The following CR1 variants were observed in gnomAD, a reference collection of about 807,000 sequenced individuals.
CR1 encodes the protein complement C3b/C4b receptor 1 (Knops blood group).
A neutral mutation model predicts 187.3 loss-of-function variants in CR1; 116 were observed. The ratio of observed to expected loss-of-function variants is 0.62; its 90% CI spans 0.53 to 0.72. The LOEUF (loss-of-function observed/expected upper bound fraction) is 0.72, where lower values mean the gene tolerates loss of function less well. CR1 is among the 30% of genes least tolerant of loss of function. The pLI is 0.00. For synonymous variants in CR1, 576 were observed against 747.1 expected (o/e 0.77, Z 3.73); for missense variants, 1,731 against 2,110.7 (o/e 0.82, Z 3.52).
At chr1:207,629,812 C>T (rs1302787768) in intron 45 of CR1, among the ~76,000 whole-genome samples, 2 of 152,190 alleles carry the variant, frequency 1.3e-5, no homozygotes, top group African/African-American at 4.8e-5. Flanking sequence ...TTTGCAACCG[C>T]TAAGGCCTGT....
intron 4 of CR1, among the ~76,000 whole-genome samples, chr1:207,517,677 T>C (rs1659847476): frequency 6.6e-6 from 1 of 152,146 alleles, no homozygotes; most frequent in African/African-American, 2.4e-5. Context: ...ATATCTTTAA[T>C]AGCTGTAAAA....
chr1:207,581,899 C>T lies in CR1; in HGVS notation c.5217-19C>T. On this transcript the variant is annotated intron_variant, in intron 31 of 46. Transcript: ENST00000367049. Reference sequence around the variant, plus strand: ...GAGAAATGGTGCATTCATCCAGCCACTACTGCTTTGTTCTTTAGGTTTCGC... The same window carrying T: ...GAGAAATGGTGCATTCATCCAGCCATTACTGCTTTGTTCTTTAGGTTTCGC... The T allele has an allele frequency of 3.8e-6, 6 of 1,586,482 alleles. No individual in the cohort carries two copies. Among genetic ancestry groups the T allele is most frequent in the South Asian group, 2.2e-5 (2 of 90,388 alleles).
At chr1:207,502,640 T>C (rs1048170640) in intron 1 of CR1, among the ~76,000 whole-genome samples, 1 of 152,220 alleles carries the variant, frequency 6.6e-6, no homozygotes, top group African/African-American at 2.4e-5. Context: ...GACAAGGGCT[T>C]CCTTGCTTAA....
chr1:207,619,830 G>T, intron 42 of CR1, 50 bp from the exon 43 acceptor site: 1 of 1,496,166 alleles, frequency 6.7e-7, no homozygotes, highest in South Asian at 1.3e-5. Context: ...CAGTTAAAAC[G>T]GACAATCAAC....
At chr1:207,613,139 C>A (rs1661986598) in intron 39 of CR1, among the ~76,000 whole-genome samples, 1 of 152,084 alleles carries the variant, frequency 6.6e-6, no homozygotes, top group Admixed American at 6.5e-5. Context: ...CCAAGAAGAA[C>A]AAGGTTATAC....
intron 45 of CR1, among the ~76,000 whole-genome samples, chr1:207,624,211 C>T (rs1435368125): frequency 6.6e-6 from 1 of 151,996 alleles, no homozygotes; most frequent in Non-Finnish European, 1.5e-5. Flanking sequence ...CAGGTGTGAG[C>T]CACTGGGCCC....
intron 42 of CR1, among the ~76,000 whole-genome samples, chr1:207,619,036 CAA>C (rs71727231): frequency 5.2e-5 from 2 of 38,484 alleles, no homozygotes; most frequent in Non-Finnish European, 1.5e-4. Context: ...GACTCCGTCT[CAA>C]AAAAAAAAAA....
At position 207,611,746 on chromosome 1, in the gene CR1, G is replaced by C. The variant is rs373376403; in HGVS notation, c.6365G>C (p.Gly2122Ala). The change falls in exon 38 of 47, where the codon GGG (glycine) becomes GCG (alanine). Residue 2122 changes from glycine to alanine, a missense_variant. Around this residue, in one of 5 missense-constraint regions of CR1, gnomAD observed 1,312 missense variants for 1,379.6 expected, o/e 0.95. Transcript: ENST00000367049. ...TLSHQDNFSP[G>A]QEVFYSCEPS... ...AGCCATCAGGACAACTTTTCACCTGGGCAGGAAGTGTTCTACAGCTGTGAG... is the reference window on the plus strand; with the variant it reads ...AGCCATCAGGACAACTTTTCACCTGCGCAGGAAGTGTTCTACAGCTGTGAG... The C allele has an allele frequency of 6.2e-7, 1 of 1,613,798 alleles. No individual in the cohort carries two copies. The highest frequency in any genetic ancestry group is 1.3e-5 in the African/African-American group (1 of 74,882).
At chr1:207,566,010 C>G in intron 24 of CR1, 87 bp downstream of exon 24, 2 of 1,517,434 alleles carry the variant, frequency 1.3e-6, no homozygotes, top group Non-Finnish European at 1.8e-6. Context: ...TGTGATTCTT[C>G]AATATTCTAG....
At chr1:207,577,533 G>A (rs1198998220) in intron 28 of CR1, among the ~76,000 whole-genome samples, 1 of 152,154 alleles carries the variant, frequency 6.6e-6, no homozygotes, top group East Asian at 1.9e-4. Context: ...ACTTTGAAAG[G>A]CCGAGGCAGG....
At chr1:207,507,096 C>T in intron 3 of CR1, 2 of 325,208 alleles carry the variant, frequency 6.1e-6, no homozygotes, top group South Asian at 8.2e-5. Flanking sequence ...AGTCAAAGCA[C>T]ACAAACAGCC....
chr1:207,628,068 A>T (rs1662534152), intron 45 of CR1, among the ~76,000 whole-genome samples: 1 of 152,178 alleles, frequency 6.6e-6, no homozygotes, highest in African/African-American at 2.4e-5. Flanking sequence ...AGATACAAAC[A>T]TTCAGTCCAT....
rs1174547447 is a variant in CR1, at chr1:207,617,505, ATATGTG to A, written c.6890-564_6890-559del. ...AAAGTATATATATATATATATATATATATGTGTGTGTGTGTGTGTGTGTGTGTGTGT... is the reference window on the plus strand; with the variant it reads ...AAAGTATATATATATATATATATATATGTGTGTGTGTGTGTGTGTGTGTGT... On this transcript the variant is annotated intron_variant, in intron 41 of 46. Transcript: ENST00000367049. Among the ~76,000 whole-genome samples the A allele has an allele frequency of 2.4e-4, 10 of 40,880 alleles. 1 individual carries two copies. Among genetic ancestry groups the A allele is most frequent in the East Asian group, 1.9e-3 (4 of 2,158 alleles). 26.8% of individuals were successfully genotyped at this position (40,880 alleles called of 152,430 possible). A position where few individuals can be genotyped will look rare whatever the true frequency, so the allele number is the denominator to read the frequency against.
At chr1:207,588,921 C>G in intron 35 of CR1, 147 bp downstream of exon 35, 3 of 609,830 alleles carry the variant, frequency 4.9e-6, no homozygotes, top group Non-Finnish European at 8.7e-6. Context: ...ATACGTTGGA[C>G]ATAGCCATAT....
chr1:207,620,799 G>A (rs55708892), intron 43 of CR1, among the ~76,000 whole-genome samples: 8 of 152,046 alleles, frequency 5.3e-5, no homozygotes, highest in African/African-American at 1.9e-4. Flanking sequence ...AAATCTCACT[G>A]GATAACTTAC....
At chr1:207,593,988 C>A (rs1459925208) in intron 35 of CR1, among the ~76,000 whole-genome samples, 1 of 152,178 alleles carries the variant, frequency 6.6e-6, no homozygotes, top group Non-Finnish European at 1.5e-5. Context: ...AATAGAAATG[C>A]TTTTACACTG....
At chr1:207,625,242 GCCT>G (rs1346556159) in intron 45 of CR1, among the ~76,000 whole-genome samples, 1 of 152,104 alleles carries the variant, frequency 6.6e-6, no homozygotes. Context: ...CGTAAAACCT[GCCT>G]CCTATTTTTT....
intron 4 of CR1, among the ~76,000 whole-genome samples, chr1:207,520,566 G>A (rs1208959018): frequency 6.6e-6 from 1 of 152,158 alleles, no homozygotes; most frequent in African/African-American, 2.4e-5. Flanking sequence ...CTTCAGGCGT[G>A]CCATACCCCC....
At chr1:207,603,851 G>A (rs970318907) in intron 35 of CR1, among the ~76,000 whole-genome samples, 7 of 152,144 alleles carry the variant, frequency 4.6e-5, no homozygotes, top group East Asian at 1.9e-4. Context: ...TCCTGCACAC[G>A]TGAAAAGAAA....
Sources: gnomAD v4.1 joint callset for allele counts (sites outside exome capture counted in the v4.1 genomes callset) on GRCh38, gnomAD v4.1.1 for gene constraint, gnomAD v4.1.1 regional missense constraint, MANE v1.5 for transcripts, NCBI Gene and HGNC (gene_info 2026-07-23, HGNC 2026-07-21) for gene names.